DNAH2: variants seen among roughly 807,000 people sequenced by gnomAD.
DNAH2 encodes dynein axonemal heavy chain 2.
DNAH2 carries 323 observed loss-of-function variants against 523.5 expected under a neutral mutation model. The ratio of observed to expected loss-of-function variants is 0.62; its 90% CI spans 0.56 to 0.68. DNAH2 has a LOEUF of 0.68. DNAH2 is among the 30% of genes least tolerant of loss of function. The pLI is 0.00. For missense variants in DNAH2, 4,907 were observed against 5,701.5 expected, an observed-to-expected ratio of 0.86 and a Z score of 4.49; for synonymous variants, 2,093 against 2,177.4, an observed-to-expected ratio of 0.96 and a Z score of 1.08.
chr17:7,727,100 G>A (rs2074838547), intron 3 of DNAH2, 22 bp from the exon 4 acceptor site: 9 of 1,517,914 alleles, frequency 5.9e-6, no homozygotes, highest in South Asian at 2.7e-5. Flanking sequence ...AGTTACTTTG[G>A]CCCTCTGCTC....
Position 7,718,716 on chromosome 17 carries a change from G to A in DNAH2, c.-98G>A, listed in dbSNP as rs1300531612. 2 of 152,758 alleles carry A rather than the reference G, an allele frequency of 1.3e-5. No homozygotes were observed. Among genetic ancestry groups the A allele is most frequent in the African/African-American group, 4.8e-5 (2 of 41,448 alleles). The allele number at this position is 152,758 out of a possible 1,614,324, so 9.5% of individuals were successfully genotyped here. On this transcript the variant is annotated 5_prime_UTR_variant, in exon 1 of 86. Transcript: ENST00000572933. ...GACTGATCTTAACCATTAGCACAGAGTTCCTCAGCCAACTCTGCTAAGAGA... is the reference window on the plus strand; with the variant it reads ...GACTGATCTTAACCATTAGCACAGAATTCCTCAGCCAACTCTGCTAAGAGA...
chr17:7,770,580 C>A lies in DNAH2; in HGVS notation c.4122C>A (p.Thr1374=). ...AGGCTTTACAAAACATTGCCAAGACCTGGGATGTGACTCAGCTCGACATAG... is the reference window on the plus strand; with the variant it reads ...AGGCTTTACAAAACATTGCCAAGACATGGGATGTGACTCAGCTCGACATAG... ...IEVALQNIAK[T]WDVTQLDIVP... is the part of the protein sequence containing the mutation. Residue 1374 remains threonine (T), a synonymous_variant, in exon 26 of 86, where the codon ACC becomes ACA. Transcript: ENST00000572933. The A allele has an allele frequency of 6.2e-7, 1 of 1,614,106 alleles. No individual in the cohort carries two copies. The highest frequency in any genetic ancestry group is 8.5e-7 in the Non-Finnish European group (1 of 1,180,030).
intron 58 of DNAH2, among the ~76,000 whole-genome samples, chr17:7,803,406 C>T (rs1289951254): frequency 1.3e-5 from 2 of 152,188 alleles, no homozygotes; most frequent in African/African-American, 4.8e-5. Context: ...CACGGTGACT[C>T]ACGCCTGTAA....
At chr17:7,757,908 T>C (rs1187662379) in intron 13 of DNAH2, among the ~76,000 whole-genome samples, 1 of 152,108 alleles carries the variant, frequency 6.6e-6, no homozygotes, top group Non-Finnish European at 1.5e-5. Flanking sequence ...ACTAATTCCA[T>C]TCATGAGGGC....
At chr17:7,784,540 C>T (rs150454016) in intron 39 of DNAH2, among the ~76,000 whole-genome samples, 17 of 152,200 alleles carry the variant, frequency 1.1e-4, no homozygotes, top group Middle Eastern at 6.8e-3. Flanking sequence ...GAGACCTCAA[C>T]TCAACTCAAT....
At chr17:7,830,135 A>T (rs1208615395) in intron 77 of DNAH2, among the ~76,000 whole-genome samples, 165 bp from the exon 78 acceptor site, 2 of 151,356 alleles carry the variant, frequency 1.3e-5, no homozygotes, top group East Asian at 3.9e-4. Context: ...TTGTGGAAGA[A>T]TGTAGATCTT....
chr17:7,735,414 G>C (rs1401027704), intron 7 of DNAH2, among the ~76,000 whole-genome samples: 1 of 152,182 alleles, frequency 6.6e-6, no homozygotes, highest in Non-Finnish European at 1.5e-5. Context: ...ATAGGCGTGA[G>C]CCACCGCACC....
At chr17:7,743,395 G>A (rs1219957632) in intron 12 of DNAH2, 4 of 701,456 alleles carry the variant, frequency 5.7e-6, no homozygotes, top group South Asian at 4.5e-5. Flanking sequence ...GCCAGGCACG[G>A]TGGCTCACAC....
chr17:7,818,985 C>A lies in DNAH2; in HGVS notation c.10737C>A (p.Ser3579=). 1.9e-6 allele frequency: 3 copies of A among 1,611,776 alleles called. No homozygotes were observed. Among genetic ancestry groups the A allele is most frequent in the Non-Finnish European group, 2.5e-6 (3 of 1,179,984 alleles). Residue 3579 remains serine, a synonymous_variant, in exon 71 of 86, where the codon TCC becomes TCA. Coordinates refer to ENST00000572933, the MANE Select transcript of DNAH2 (RefSeq NM_020877.5). ...DVQLVNTLHT[S]KITATEVTEQ... is the part of the protein sequence containing the mutation. ...AGCTGGTGAACACGCTGCATACCTCCAAGATCACAGCCACAGAGGTGACTG... is the reference window on the plus strand; with the variant it reads ...AGCTGGTGAACACGCTGCATACCTCAAAGATCACAGCCACAGAGGTGACTG...
At position 7,770,283 on chromosome 17, in the gene DNAH2, C is replaced by A. The variant is rs199664791; in HGVS notation, c.3973C>A (p.Arg1325=). 5.0e-6 allele frequency: 8 copies of A among 1,612,542 alleles called. No homozygotes were observed. Among genetic ancestry groups the A allele is most frequent in the Non-Finnish European group, 6.8e-6 (8 of 1,179,222 alleles). Residue 1325 remains arginine, a synonymous_variant, in exon 25 of 86, where the codon CGG becomes AGG. Coordinates refer to ENST00000572933, the MANE Select transcript of DNAH2 (RefSeq NM_020877.5). ...GGACCAGGTCCGGGATGAGATCCAG[C>A]GGGAGTTTGATCAGGAATCTGAAAG... is the stretch of plus-strand genomic sequence containing the variant. The part of the protein sequence containing the change: ...HWDQVRDEIQ[R]EFDQESESFT...
At chr17:7,812,073 G>A (rs1156509134) in intron 63 of DNAH2, among the ~76,000 whole-genome samples, 1 of 152,158 alleles carries the variant, frequency 6.6e-6, no homozygotes, top group Non-Finnish European at 1.5e-5. Context: ...TAGCATTTGA[G>A]GTAATGAGGA....
rs2075606531 is a variant in DNAH2, at chr17:7,749,306, CCCA to C, written c.1904+6165_1904+6167del. On this transcript the variant is annotated intron_variant, in intron 12 of 85. Coordinates refer to ENST00000572933, the MANE Select transcript of DNAH2 (RefSeq NM_020877.5). Reference sequence around the variant, plus strand: ...CTGGGCAACAAGAGCTAAACTCCCCCCCAAAAAAAAAAAAAAAAAAAAAAAAAA... The same window carrying C: ...CTGGGCAACAAGAGCTAAACTCCCCCAAAAAAAAAAAAAAAAAAAAAAAAA... Among the ~76,000 whole-genome samples, 30 of 3,498 alleles carry C rather than the reference CCCA, an allele frequency of 8.6e-3. 6 individuals are homozygous for C. The highest frequency in any genetic ancestry group is 0.027 in the East Asian group (2 of 74). 2.3% of individuals were successfully genotyped at this position (3,498 alleles called of 152,430 possible).
rs2076560493 is a variant in DNAH2, at chr17:7,780,016, A to C, written c.5723-141A>C. The C allele has an allele frequency of 8.9e-7, 1 of 1,126,950 alleles. No homozygotes were observed. The highest frequency in any genetic ancestry group is 2.3e-5 in the Admixed American group (1 of 43,474). The allele number at this position is 1,126,950 out of a possible 1,614,324, so 69.8% of individuals were successfully genotyped here. A position where few individuals can be genotyped will look rare whatever the true frequency, so the allele number is the denominator to read the frequency against. On this transcript the variant is annotated intron_variant, in intron 36 of 85. Transcript: ENST00000572933. This position sits in a 1 kb window ranked among gnomAD's most constrained non-coding sequence, Gnocchi z 4.4. Reference sequence around the variant, plus strand: ...GGGAAGGGCTGGGGCTGAGATGAGAAAGGATGTGGTCTTGGAGTTGGAGAG... The same window carrying C: ...GGGAAGGGCTGGGGCTGAGATGAGACAGGATGTGGTCTTGGAGTTGGAGAG...
rs776461122 is a variant in DNAH2 at position 7,797,847 on chromosome 17, C to T, written c.8230+18C>T. 2 of 1,595,764 alleles carry T rather than the reference C, an allele frequency of 1.3e-6. No individual in the cohort carries two copies. The highest frequency in any genetic ancestry group is 1.3e-5 in the African/African-American group (1 of 74,722). On this transcript the variant is annotated intron_variant, in intron 53 of 85. Coordinates refer to ENST00000572933, the MANE Select transcript of DNAH2 (RefSeq NM_020877.5). ...TGAACACAGTGAGCACCTGCCACGC[C>T]TATCCCCTTCCCCATCATCTCAGTG...
intron 12 of DNAH2, among the ~76,000 whole-genome samples, chr17:7,752,238 TG>T (rs2075706897): frequency 6.6e-6 from 1 of 151,834 alleles, no homozygotes; most frequent in African/African-American, 2.4e-5. Context: ...TTGTTTTAAT[TG>T]TTATTGTCTC....
rs28497715 is a variant in DNAH2, at chr17:7,760,327, T to C, written c.2785+389T>C. Among the ~76,000 whole-genome samples the C allele has an allele frequency of 0.28, 42,785 of 150,494 alleles. 6,530 individuals are homozygous for C. The highest frequency in any genetic ancestry group is 0.34 in the Non-Finnish European group (23,057 of 67,588). On this transcript the variant is annotated intron_variant, in intron 17 of 85. Coordinates refer to ENST00000572933, the MANE Select transcript of DNAH2 (RefSeq NM_020877.5). The surrounding 1 kb of genome is among the most constrained non-coding windows in gnomAD (Gnocchi z 4.0). ...AGTGAGCGGAGATCATGCCACTGCA[T>C]TCCAGCCTGGGTGACAGAGTGAGAC... is the stretch of plus-strand genomic sequence containing the variant.
chr17:7,766,491 T>C lies in DNAH2; in HGVS notation c.3675+10T>C, dbSNP rs1567664438. ...TCAGAACCTGGAGAAGGTGGTGTGC[T>C]GAGCAAGGACCCTGTGGTCACTGTC... On this transcript the variant is annotated intron_variant, in intron 22 of 85. Transcript: ENST00000572933. The C allele has an allele frequency of 6.2e-7, 1 of 1,613,418 alleles. No homozygotes were observed. The highest frequency in any genetic ancestry group is 8.5e-7 in the Non-Finnish European group (1 of 1,179,708).
At position 7,817,652 on chromosome 17, in the gene DNAH2, G is replaced by C; in HGVS notation, c.10112G>C (p.Gly3371Ala). 1 of 1,614,136 alleles carries C rather than the reference G, an allele frequency of 6.2e-7. No individual in the cohort carries two copies. Among genetic ancestry groups the C allele is most frequent in the Non-Finnish European group, 8.5e-7 (1 of 1,180,030 alleles). Residue 3371 changes from glycine (G) to alanine (A), a missense_variant, in exon 66 of 86, where the codon GGG becomes GCG. By Grantham distance (60) the Gly-to-Ala change is moderately conservative. This residue lies in a region of DNAH2 where 1,851 missense variants were observed against 2,139.4 expected (regional missense o/e 0.87). Transcript: ENST00000572933. ...PTKVRDWNIQ[G>A]LPSDAFSTEN... ...AAAGTCCGGGACTGGAACATCCAAG[G>C]GTTGCCCTCAGACGCCTTCTCCACT...
At position 7,719,762 on chromosome 17, in the gene DNAH2, C is replaced by T. The variant is rs1208934070; in HGVS notation, c.28C>T (p.Arg10Ter). Residue 10 changes from arginine (R) to a stop codon, truncating the protein, a stop_gained, in exon 2 of 86, where the codon CGA becomes TGA. Coordinates refer to ENST00000572933, the MANE Select transcript of DNAH2 (RefSeq NM_020877.5). LOFTEE classifies it high-confidence loss of function. The part of the protein sequence containing the change: MSSKAEKKQ[R>*]LSGRGSSQAS... ...GTCCAGCAAAGCTGAGAAGAAGCAG[C>T]GATTGAGTGGCCGAGGAAGCTCCCA... The T allele has an allele frequency of 2.5e-6, 4 of 1,614,068 alleles. No individual in the cohort carries two copies. Among genetic ancestry groups the T allele is most frequent in the African/African-American group, 1.3e-5 (1 of 74,932 alleles).
Sources: allele counts gnomAD v4.1 joint callset (sites outside exome capture counted in the v4.1 genomes callset), GRCh38; gene constraint gnomAD v4.1.1; regional missense constraint gnomAD v4.1.1; non-coding constraint Gnocchi (gnomAD v3.1); transcripts MANE v1.5; gene names NCBI Gene and HGNC (gene_info 2026-07-23, HGNC 2026-07-21).